Variants in RALYL observed in about 807,000 individuals in gnomAD.
RALYL encodes the protein RNA-binding Raly-like protein.
Under a neutral mutation model 35.1 loss-of-function variants are expected in RALYL, and 29 were observed. The ratio of observed to expected loss-of-function variants is 0.83; its 90% CI spans 0.61 to 1.13. The LOEUF (loss-of-function observed/expected upper bound fraction) is 1.13, where lower values mean the gene tolerates loss of function less well. RALYL is among the 50% of genes most tolerant of loss of function. RALYL has a pLI of 0.00. For synonymous variants in RALYL, 120 were observed against 127.6 expected, an observed-to-expected ratio of 0.94 and a Z score of 0.40; for missense variants, 359 against 360.4, an observed-to-expected ratio of 1.00 and a Z score of 0.03.
chr8:84,202,090 C>T (rs1816976679), intron 1 of RALYL, among the ~76,000 whole-genome samples: 1 of 151,300 alleles, frequency 6.6e-6, no homozygotes, highest in South Asian at 2.1e-4. Flanking sequence ...CTTTTCATTG[C>T]TATTTTGAAT....
intron 8 of RALYL, among the ~76,000 whole-genome samples, chr8:84,893,795 T>C (rs944880568): frequency 6.6e-6 from 1 of 152,236 alleles, no homozygotes; most frequent in Non-Finnish European, 1.5e-5. Flanking sequence ...TTTAAATGGA[T>C]TAAGGAGAAT....
chr8:84,709,197 G>A (rs1236975335), intron 2 of RALYL, among the ~76,000 whole-genome samples: 1 of 151,824 alleles, frequency 6.6e-6, no homozygotes, highest in Non-Finnish European at 1.5e-5. Flanking sequence ...TGTTCTGTAG[G>A]GTACCTTCCA....
chr8:84,843,468 G>C (rs1833894072), intron 4 of RALYL, among the ~76,000 whole-genome samples: 1 of 152,040 alleles, frequency 6.6e-6, no homozygotes, highest in African/African-American at 2.4e-5. Context: ...AAATAAAAGA[G>C]GATACAAAGA....
chr8:84,306,020 C>T (rs1157692189), intron 1 of RALYL, among the ~76,000 whole-genome samples: 3 of 152,072 alleles, frequency 2.0e-5, no homozygotes, highest in East Asian at 1.9e-4. Context: ...AAAAATTAGC[C>T]AGGCATGGTG....
At chr8:84,335,449 A>G (rs925314139) in intron 1 of RALYL, among the ~76,000 whole-genome samples, 5 of 151,984 alleles carry the variant, frequency 3.3e-5, no homozygotes, top group African/African-American at 1.2e-4. Flanking sequence ...TTTTCCCTCA[A>G]CAGCTAAGCA....
intron 4 of RALYL, among the ~76,000 whole-genome samples, chr8:84,805,560 T>A (rs13281083): frequency 4.0e-4 from 61 of 151,960 alleles, no homozygotes; most frequent in South Asian, 1.7e-3. Flanking sequence ...GGCACACACC[T>A]GTAATCCCAG....
At chr8:84,293,525 T>C (rs1231986303) in intron 1 of RALYL, among the ~76,000 whole-genome samples, 1 of 152,144 alleles carries the variant, frequency 6.6e-6, no homozygotes, top group South Asian at 2.1e-4. Flanking sequence ...TTCTCTCCTG[T>C]GGCCTGTTTT....
At chr8:84,657,747 A>G (rs1830219287) in intron 2 of RALYL, among the ~76,000 whole-genome samples, 1 of 152,166 alleles carries the variant, frequency 6.6e-6, no homozygotes, top group South Asian at 2.1e-4. Context: ...GATCCAGGAA[A>G]CTGTGGACCT....
chr8:84,354,843 G>C (rs2131140914), intron 1 of RALYL, among the ~76,000 whole-genome samples: 1 of 150,086 alleles, frequency 6.7e-6, no homozygotes, highest in Admixed American at 6.6e-5. Flanking sequence ...TTTGGTTAAT[G>C]GTTCTTTAGA....
chr8:84,797,310 G>T (rs567626033), intron 3 of RALYL, among the ~76,000 whole-genome samples: 12 of 152,254 alleles, frequency 7.9e-5, no homozygotes, highest in African/African-American at 2.9e-4. Context: ...CATCACAATG[G>T]CAATTAAACT....
chr8:84,477,867 C>T (rs909975706), intron 1 of RALYL, among the ~76,000 whole-genome samples: 5 of 151,822 alleles, frequency 3.3e-5, no homozygotes, highest in African/African-American at 7.2e-5. Flanking sequence ...GTCAAATAGG[C>T]TTACATGAAA....
intron 1 of RALYL, among the ~76,000 whole-genome samples, chr8:84,518,669 A>G (rs1017046260): frequency 2.0e-5 from 3 of 152,176 alleles, no homozygotes; most frequent in African/African-American, 7.2e-5. Flanking sequence ...TTTATCTTAG[A>G]AGAATTCAAG....
chr8:84,343,127 TAGG>T (rs1849170144), intron 1 of RALYL, among the ~76,000 whole-genome samples: 1 of 152,072 alleles, frequency 6.6e-6, no homozygotes, highest in Non-Finnish European at 1.5e-5. Context: ...TTTAGTTCTA[TAGG>T]TTACTTCTCT....
chr8:84,230,881 A>T (rs771610297), intron 1 of RALYL, among the ~76,000 whole-genome samples: 1 of 152,226 alleles, frequency 6.6e-6, no homozygotes. Flanking sequence ...CGCAGTTGGT[A>T]CTTAGGCCTA....
intron 5 of RALYL, 46 bp downstream of exon 5, chr8:84,850,073 T>TA (rs1388981341): frequency 2.6e-6 from 3 of 1,132,100 alleles, no homozygotes; most frequent in Non-Finnish European, 3.7e-6. Flanking sequence ...TAAATTATCT[T>TA]TTAACCATTT....
intron 2 of RALYL, among the ~76,000 whole-genome samples, chr8:84,666,735 C>G (rs1330983906): frequency 6.6e-6 from 1 of 152,086 alleles, no homozygotes; most frequent in Admixed American, 6.6e-5. Context: ...TGCCACCTTT[C>G]TTCCACTGCA....
chr8:84,384,243 T>C (rs1858663551), intron 1 of RALYL, among the ~76,000 whole-genome samples: 1 of 151,746 alleles, frequency 6.6e-6, no homozygotes, highest in African/African-American at 2.4e-5. Context: ...CACAGGGTTG[T>C]TGAAAGGATC....
intron 1 of RALYL, among the ~76,000 whole-genome samples, chr8:84,335,681 A>G (rs1057236359): frequency 1.4e-5 from 2 of 142,326 alleles, no homozygotes; most frequent in Non-Finnish European, 3.0e-5. Flanking sequence ...AGAGTGGTTT[A>G]ATATTTCTAA....
intron 2 of RALYL, among the ~76,000 whole-genome samples, chr8:84,718,816 T>C (rs1843366923): frequency 6.6e-6 from 1 of 152,090 alleles, no homozygotes; most frequent in Non-Finnish European, 1.5e-5. Flanking sequence ...TTTATGACTT[T>C]TAAAAAGCAA....
Sources: gnomAD v4.1 joint callset for allele counts (sites outside exome capture counted in the v4.1 genomes callset) on GRCh38, gnomAD v4.1.1 for gene constraint, MANE v1.5 for transcripts, NCBI Gene and HGNC (gene_info 2026-07-23, HGNC 2026-07-21) for gene names.